MADD: variants seen among roughly 807,000 people sequenced by gnomAD.
MADD encodes MAP kinase activating death domain, also known as MAP kinase-activating death domain protein.
Under a neutral mutation model 176.7 loss-of-function variants are expected in MADD, and 109 were observed. The observed-to-expected ratio is 0.62, with a 90% confidence interval of 0.53 to 0.72. The LOEUF is 0.72. MADD is among the 30% of genes least tolerant of loss of function. The pLI, the probability that MADD is intolerant of heterozygous loss-of-function variation, is 0.00. For missense variants in MADD, 1,914 were observed against 2,045.5 expected (o/e 0.94, Z 1.24); for synonymous variants, 771 against 771.3 (o/e 1.00, Z 0.01).
chr11:47,284,934 C>T lies in MADD; in HGVS notation c.2158-7C>T, dbSNP rs999240604. 6.2e-7 allele frequency: 1 copy of T among 1,613,270 alleles called. No homozygotes were observed. Among genetic ancestry groups the T allele is most frequent in the Non-Finnish European group, 8.5e-7 (1 of 1,179,836 alleles). On this transcript the variant is annotated splice_polypyrimidine_tract_variant and splice_region_variant and intron_variant, in intron 12 of 32. Transcript: ENST00000402192. ...GGTAACCACTTTTAATTTCATGCGG[C>T]CTTTAGGAACCTGCTGACTCTACGG...
Position 47,279,584 on chromosome 11 carries a change from T to G in MADD, c.1290+505T>G, listed in dbSNP as rs1396632821. On this transcript the variant is annotated intron_variant, in intron 7 of 32. Transcript: ENST00000402192. ...TTGGTAGAGACGGGGTTTTGCCATGTTAGCCAGGATGGCCTCTATCTCCTG... is the reference window on the plus strand; with the variant it reads ...TTGGTAGAGACGGGGTTTTGCCATGGTAGCCAGGATGGCCTCTATCTCCTG... 3.3e-5 allele frequency among the ~76,000 whole-genome samples: 5 copies of G among 151,834 alleles called. No homozygotes were observed. In the East Asian group the frequency reaches 9.8e-4, roughly 30 times the overall value.
chr11:47,284,798 G>A, intron 12 of MADD, 143 bp from the exon 13 acceptor site: 4 of 1,297,252 alleles, frequency 3.1e-6, no homozygotes, highest in Middle Eastern at 2.6e-4. Flanking sequence ...TGTGGGGACA[G>A]AGAACGGGTG....
In MADD at chr11:47,315,230, ATC is replaced by A; in HGVS notation, c.4106_4107del (p.Ser1369TyrfsTer34). On this transcript the variant is annotated frameshift_variant, in exon 27 of 33. Transcript: ENST00000402192. LOFTEE classifies it high-confidence loss of function. ...TCTCTCTTTCATCAGAATGGACGCG[ATC>A]TCTCTATCTGGTCCAGTGGCAGCCG... 2.5e-6 allele frequency: 4 copies of A among 1,611,740 alleles called. No individual in the cohort carries two copies. The highest frequency in any genetic ancestry group is 2.2e-5 in the South Asian group (2 of 91,036).
At chr11:47,328,239 G>T in intron 31 of MADD, 1 of 1,095,546 alleles carries the variant, frequency 9.1e-7, no homozygotes, top group Non-Finnish European at 1.1e-6. Flanking sequence ...GTTCACGGGT[G>T]TCTCAGCAAA....
At chr11:47,323,630 C>G in intron 27 of MADD, 41 bp from the exon 31 acceptor site, 1 of 1,602,458 alleles carries the variant, frequency 6.2e-7, no homozygotes, top group Non-Finnish European at 8.5e-7. Context: ...GAGAGGCTGT[C>G]AGAGACAGGA....
chr11:47,324,306 C>T (rs375343012), exon 29 of MADD: 35 of 1,614,086 alleles, frequency 2.2e-5, no homozygotes, highest in Non-Finnish European at 2.5e-5. Flanking sequence ...GCATGGAGCG[C>T]GCTGCCGCCC....
At chr11:47,289,995 A>G (rs1383674067) in exon 17 of MADD, 1 of 1,614,210 alleles carries the variant, frequency 6.2e-7, no homozygotes, top group Non-Finnish European at 8.5e-7. Flanking sequence ...GTCCTGAGCA[A>G]GCTGAACCGC....
rs766120355 is a variant in MADD at position 47,274,810 on chromosome 11, C to T, written c.310C>T (p.Arg104Ter). 3 of 1,614,212 alleles carry T rather than the reference C, an allele frequency of 1.9e-6. No homozygotes were observed. The highest frequency in any genetic ancestry group is 1.7e-6 in the Non-Finnish European group (2 of 1,180,046). Residue 104 changes from arginine to a stop codon, truncating the protein, a stop_gained, in exon 3 of 33, where the codon CGA becomes TGA. Transcript: ENST00000402192. LOFTEE classifies it high-confidence loss of function. ...TAACTTCTACCGCTCCTTCCAAAAGCGAATCTCTAAGGAGAAGGGGGAAGG... is the reference window on the plus strand; with the variant it reads ...TAACTTCTACCGCTCCTTCCAAAAGTGAATCTCTAAGGAGAAGGGGGAAGG...
chr11:47,326,029 A>G (rs1224090320), intron 30 of MADD, among the ~76,000 whole-genome samples: 1 of 152,198 alleles, frequency 6.6e-6, no homozygotes, highest in African/African-American at 2.4e-5. Context: ...TCTGGGGTAA[A>G]TGGGAAAAGC....
At chr11:47,319,990 CAAAA>C (rs11302029) in intron 27 of MADD, among the ~76,000 whole-genome samples, 1 of 67,874 alleles carries the variant, frequency 1.5e-5, no homozygotes, top group Non-Finnish European at 2.7e-5. Flanking sequence ...GACTCCATCG[CAAAA>C]AAAAAAAAAA....
chr11:47,324,921 A>G (rs1203305025), intron 30 of MADD: 7 of 599,428 alleles, frequency 1.2e-5, no homozygotes, highest in Non-Finnish European at 2.1e-5. Context: ...TTCCCAGGAT[A>G]TGCTTCTGCT....
exon 2 of MADD, chr11:47,273,885 T>A: frequency 6.2e-7 from 1 of 1,605,340 alleles, no homozygotes; most frequent in Non-Finnish European, 8.5e-7. Flanking sequence ...GCCCTGATGC[T>A]TCTCTGAGAT....
exon 14 of MADD, chr11:47,285,508 G>A: frequency 6.2e-7 from 1 of 1,614,182 alleles, no homozygotes; most frequent in South Asian, 1.1e-5. Flanking sequence ...CAGATGCAGA[G>A]TCAGACTCTC....
In MADD at chr11:47,275,887, T is replaced by C. The variant is rs1287336792; in HGVS notation, c.660-12T>C. 1 of 1,597,308 alleles carries C rather than the reference T, an allele frequency of 6.3e-7. No homozygotes were observed. The highest frequency in any genetic ancestry group is 8.6e-7 in the Non-Finnish European group (1 of 1,167,612). On this transcript the variant is annotated splice_polypyrimidine_tract_variant and intron_variant, in intron 3 of 32. Transcript: ENST00000402192. The stretch of plus-strand genomic sequence containing the variant: ...ATGCTAATGTGTCTGATTCCTGCTG[T>C]CTGCTTCTCAGGGACACCATGTGGC...
At chr11:47,324,568 G>T (rs757098040) in exon 30 of MADD, 1 of 1,612,370 alleles carries the variant, frequency 6.2e-7, no homozygotes, top group Non-Finnish European at 8.5e-7. Flanking sequence ...TCAAATTCAT[G>T]CACAATCAGG....
intron 8 of MADD, 56 bp downstream of exon 8, chr11:47,281,809 T>C: frequency 7.8e-7 from 1 of 1,287,798 alleles, no homozygotes; most frequent in Non-Finnish European, 1.0e-6. Flanking sequence ...CTTTGCTCTC[T>C]AAGGGACCTT....
At chr11:47,291,366 C>T (rs558898908) in intron 19 of MADD, among the ~76,000 whole-genome samples, 2 of 152,248 alleles carry the variant, frequency 1.3e-5, no homozygotes, top group South Asian at 4.1e-4. Flanking sequence ...ATTATAATCT[C>T]GTTTACATTT....
chr11:47,315,535 C>T lies in MADD; in HGVS notation c.4197+208C>T, dbSNP rs1218975236. 4.0e-5 allele frequency among the ~76,000 whole-genome samples: 6 copies of T among 149,904 alleles called. No individual in the cohort carries two copies. In the East Asian group the frequency reaches 8.1e-4, roughly 20 times the overall value. On this transcript the variant is annotated intron_variant, in intron 27 of 32. Transcript: ENST00000402192. Reference sequence around the variant, plus strand: ...TGTCACCCAGGCTGGAGTGTAGTGGCTTGATCTCGGCTCACTGCAACCTCC... The same window carrying T: ...TGTCACCCAGGCTGGAGTGTAGTGGTTTGATCTCGGCTCACTGCAACCTCC...
At chr11:47,285,256 G>A in intron 13 of MADD, 62 bp downstream of exon 13, 2 of 1,585,724 alleles carry the variant, frequency 1.3e-6, no homozygotes, top group East Asian at 2.2e-5. Flanking sequence ...GTGGACCCTG[G>A]GCAAGGGTTA....
Sources: gnomAD v4.1 joint callset for allele counts (sites outside exome capture counted in the v4.1 genomes callset) on GRCh38, gnomAD v4.1.1 for gene constraint, MANE v1.5 for transcripts, NCBI Gene and HGNC (gene_info 2026-07-23, HGNC 2026-07-21) for gene names.